The following HM13 variants were observed in gnomAD, a reference collection of about 807,000 sequenced individuals.
HM13 encodes the protein histocompatibility minor 13.
In HM13, 18 loss-of-function variants were observed where a neutral mutation model predicts 50.0. The observed-to-expected ratio is 0.36, with a 90% confidence interval of 0.25 to 0.53. The LOEUF is 0.53. Ranked by LOEUF, HM13 falls within the 20% of genes least tolerant of loss-of-function variation. HM13 has a pLI of 0.90. For missense variants in HM13, 393 were observed against 552.4 expected (o/e 0.71, Z 2.89); for synonymous variants, 197 against 232.6 (o/e 0.85, Z 1.39).
intron 8 of HM13, among the ~76,000 whole-genome samples, chr20:31,555,592 C>T (rs757019465): frequency 6.6e-6 from 1 of 152,178 alleles, no homozygotes; most frequent in Non-Finnish European, 1.5e-5. Context: ...GTCTGCTTAT[C>T]TGGGCCCAGT....
chr20:31,516,554 G>C (rs188931965), intron 1 of HM13, among the ~76,000 whole-genome samples: 1 of 152,320 alleles, frequency 6.6e-6, no homozygotes, highest in East Asian at 1.9e-4. Context: ...AGGTAGGCCT[G>C]AGCCTTGACG....
chr20:31,526,946 T>C (rs906957342), intron 1 of HM13, among the ~76,000 whole-genome samples: 1 of 152,238 alleles, frequency 6.6e-6, no homozygotes, highest in Non-Finnish European at 1.5e-5. Flanking sequence ...AGTTATTCCA[T>C]ACTGGAATGG....
intron 2 of HM13, among the ~76,000 whole-genome samples, chr20:31,530,411 ATTC>A (rs1982745687): frequency 7.7e-6 from 1 of 129,040 alleles, no homozygotes; most frequent in African/African-American, 4.2e-5. Context: ...CCATTCTTTC[ATTC>A]TTTTTTTTTT....
intron 12 of HM13, 169 bp downstream of exon 12, chr20:31,568,393 T>C: frequency 2.0e-6 from 2 of 1,009,998 alleles, no homozygotes; most frequent in Non-Finnish European, 2.8e-6. Context: ...GCCATAGGGC[T>C]GGGAAGCAGG....
chr20:31,561,889 G>C (rs1984637636), intron 10 of HM13, 153 bp downstream of exon 10: 2 of 668,610 alleles, frequency 3.0e-6, no homozygotes, highest in Admixed American at 2.1e-5. Flanking sequence ...CCTTCCATTT[G>C]TGGTTGCAAG....
At chr20:31,561,124 C>T (rs762369203) in intron 9 of HM13, among the ~76,000 whole-genome samples, 13 of 152,216 alleles carry the variant, frequency 8.5e-5, no homozygotes, top group Non-Finnish European at 1.9e-4. Context: ...ACTATTACGT[C>T]CACTGCACTT....
chr20:31,543,780 A>C (rs1483112193), intron 3 of HM13, among the ~76,000 whole-genome samples: 1 of 151,878 alleles, frequency 6.6e-6, no homozygotes, highest in Non-Finnish European at 1.5e-5. Context: ...AAATACAAAA[A>C]AAAATTAGTC....
At chr20:31,560,967 A>G (rs1011468497) in intron 9 of HM13, among the ~76,000 whole-genome samples, 4 of 152,204 alleles carry the variant, frequency 2.6e-5, no homozygotes, top group Admixed American at 6.5e-5. Context: ...CGGAGCTGGC[A>G]TTGGAGAGGG....
chr20:31,555,207 A>C (rs76404239), intron 8 of HM13, among the ~76,000 whole-genome samples: 1,750 of 152,286 alleles, frequency 0.011, 13 homozygotes, highest in Non-Finnish European at 0.02. Context: ...ACACATACAC[A>C]TACCCCTTCC....
At chr20:31,553,422 C>T (rs1984135646) in intron 7 of HM13, among the ~76,000 whole-genome samples, 2 of 152,020 alleles carry the variant, frequency 1.3e-5, no homozygotes, top group African/African-American at 4.8e-5. Flanking sequence ...GGCTGCCTAA[C>T]ACAAAACCAG....
intron 8 of HM13, among the ~76,000 whole-genome samples, chr20:31,559,040 T>C (rs183196711): frequency 6.6e-6 from 1 of 152,334 alleles, no homozygotes; most frequent in East Asian, 1.9e-4. Flanking sequence ...TGCCTCAGCC[T>C]CCCGAGTAGC....
At chr20:31,516,814 C>G (rs1179301288) in intron 1 of HM13, among the ~76,000 whole-genome samples, 1 of 152,196 alleles carries the variant, frequency 6.6e-6, no homozygotes, top group Non-Finnish European at 1.5e-5. Flanking sequence ...AAGAGCCTGC[C>G]ACCACCAATG....
At chr20:31,554,930 A>T (rs922741068) in intron 8 of HM13, 101 bp downstream of exon 8, 11 of 1,009,456 alleles carry the variant, frequency 1.1e-5, no homozygotes, top group Non-Finnish European at 1.7e-5. Context: ...GCTGAGAAAG[A>T]GAAAAGGTAA....
intron 2 of HM13, among the ~76,000 whole-genome samples, chr20:31,534,718 G>A (rs958973291): frequency 6.6e-6 from 1 of 151,884 alleles, no homozygotes; most frequent in African/African-American, 2.4e-5. Context: ...GGAGGTCGAG[G>A]CTGCAGTGAG....
intron 2 of HM13, among the ~76,000 whole-genome samples, chr20:31,531,413 T>A (rs1982806813): frequency 6.6e-6 from 1 of 151,738 alleles, no homozygotes; most frequent in South Asian, 2.1e-4. Flanking sequence ...TTTTTTTTTT[T>A]AGAGATGAGG....
At chr20:31,556,993 T>C (rs1984345310) in intron 8 of HM13, among the ~76,000 whole-genome samples, 1 of 141,350 alleles carries the variant, frequency 7.1e-6, no homozygotes, top group Admixed American at 7.5e-5. Context: ...CACTCCAGCC[T>C]GGGCCACACA....
chr20:31,514,468 G>GCTTT lies in HM13; in HGVS notation c.-82_-79dup. ...CTTCCTGTTGCCTTAGGGGAACGTG[G>GCTTT]CTTTCCCTGCAGAGCCGGTGTCTCC... On this transcript the variant is annotated 5_prime_UTR_variant, in exon 1 of 13. Transcript: ENST00000398174. This position sits in a 1 kb window ranked among gnomAD's most constrained non-coding sequence, Gnocchi z 4.3. 1 of 1,450,854 alleles carries GCTTT rather than the reference G, an allele frequency of 6.9e-7. No individual in the cohort carries two copies. Among genetic ancestry groups the GCTTT allele is most frequent in the African/African-American group, 1.4e-5 (1 of 71,282 alleles). The allele number at this position is 1,450,854 out of a possible 1,614,324, so 89.9% of individuals were successfully genotyped here. A position where few individuals can be genotyped will look rare whatever the true frequency, so the allele number is the denominator to read the frequency against.
chr20:31,536,875 C>T (rs1300041509), intron 2 of HM13, among the ~76,000 whole-genome samples: 3 of 152,224 alleles, frequency 2.0e-5, no homozygotes, highest in African/African-American at 7.2e-5. Context: ...TCTTAGTGCC[C>T]ATTACCACCT....
At chr20:31,537,478 T>C (rs1983179598) in intron 2 of HM13, among the ~76,000 whole-genome samples, 1 of 152,226 alleles carries the variant, frequency 6.6e-6, no homozygotes, top group South Asian at 2.1e-4. Flanking sequence ...TATTCCCTTA[T>C]TCCCTCCAGG....
Sources: gnomAD v4.1 joint callset for allele counts (sites outside exome capture counted in the v4.1 genomes callset) on GRCh38, gnomAD v4.1.1 for gene constraint, Gnocchi (gnomAD v3.1) non-coding constraint, MANE v1.5 for transcripts, NCBI Gene and HGNC (gene_info 2026-07-23, HGNC 2026-07-21) for gene names.